PML: variants seen among roughly 807,000 people sequenced by gnomAD.
PML encodes PML nuclear body scaffold, also known as protein PML.
PML carries 28 observed loss-of-function variants against 65.2 expected under a neutral mutation model. The observed-to-expected ratio is 0.43, with a 90% CI of 0.32 to 0.59. PML has a LOEUF of 0.59. PML is among the 20% of genes least tolerant of loss of function. PML has a pLI of 0.08. For synonymous variants in PML, 500 were observed against 508.8 expected (o/e 0.98, Z 0.23); for missense variants, 1,021 against 1,203.4 (o/e 0.85, Z 2.24).
intron 4 of PML, among the ~76,000 whole-genome samples, chr15:74,029,056 AT>A (rs570189767): frequency 2.0e-4 from 30 of 149,572 alleles, no homozygotes; most frequent in East Asian, 9.8e-4. Flanking sequence ...TCTATTTTTA[AT>A]TTTTTTTTTG....
chr15:74,022,204 G>A (rs1297579787), intron 2 of PML, among the ~76,000 whole-genome samples: 2 of 152,160 alleles, frequency 1.3e-5, no homozygotes, highest in Non-Finnish European at 2.9e-5. Flanking sequence ...TGATCCTCCC[G>A]CCCCGGCCTC....
In PML at chr15:73,994,959, GA is replaced by G; in HGVS notation, c.129+19del. 6.6e-7 allele frequency: 1 copy of G among 1,525,676 alleles called. No individual in the cohort carries two copies. Among genetic ancestry groups the G allele is most frequent in the Non-Finnish European group, 8.8e-7 (1 of 1,133,518 alleles). The allele number at this position is 1,525,676 out of a possible 1,614,324, so 94.5% of individuals were successfully genotyped here. A position where few individuals can be genotyped will look rare whatever the true frequency, so the allele number is the denominator to read the frequency against. On this transcript the variant is annotated intron_variant, in intron 1 of 8. Coordinates refer to ENST00000268058, the MANE Select transcript of PML (RefSeq NM_033238.3). ...CTACAGAGGTACTATTGGGTTAGGG[GA>G]TGATGGGGTTAAGCTTTGTTGGTTT...
intron 4 of PML, 100 bp from the exon 5 acceptor site, chr15:74,032,472 C>T (rs1261368055): frequency 1.5e-6 from 2 of 1,314,664 alleles, no homozygotes; most frequent in African/African-American, 1.4e-5. Context: ...GGACCTGTGA[C>T]TTGGTGAGGC....
In PML at chr15:74,045,830, T is replaced by G. The variant is rs1011684859; in HGVS notation, c.*822T>G. 1.7e-5 allele frequency: 4 copies of G among 232,136 alleles called. No homozygotes were observed. The highest frequency in any genetic ancestry group is 3.4e-5 in the Non-Finnish European group (4 of 117,476). 14.4% of individuals were successfully genotyped at this position (232,136 alleles called of 1,614,324 possible). On this transcript the variant is annotated 3_prime_UTR_variant, in exon 9 of 9. Transcript: ENST00000268058. ...CAGGACCTGCGGCATCAGCATCCCC[T>G]GGGAGCTTCTTAGAAATGCAGACCT...
Position 74,035,899 on chromosome 15 carries a change from C to T in PML, c.1710+1369C>T, listed in dbSNP as rs551193666. ...ATTACATTCCCACCACCCTGTGCCC[C>T]AGAAAGGCCCCCCATCAGCCCAGTC... On this transcript the variant is annotated intron_variant, in intron 7 of 8. Coordinates refer to ENST00000268058, the MANE Select transcript of PML (RefSeq NM_033238.3). This position sits in a 1 kb window ranked among gnomAD's most constrained non-coding sequence, Gnocchi z 4.1. 2.0e-5 allele frequency: 32 copies of T among 1,613,792 alleles called. No homozygotes were observed. The East Asian group carries it at 6.9e-4, about 35-fold the overall frequency.
chr15:73,999,285 C>A (rs1345470191), intron 2 of PML, among the ~76,000 whole-genome samples: 1 of 152,210 alleles, frequency 6.6e-6, no homozygotes, highest in Non-Finnish European at 1.5e-5. Context: ...GAACTTTTCA[C>A]CATTAGCAAT....
In PML at chr15:74,044,379, T is replaced by A; in HGVS notation, c.2020T>A (p.Leu674Met). The A allele has an allele frequency of 6.2e-7, 1 of 1,614,218 alleles. No individual in the cohort carries two copies. Among genetic ancestry groups the A allele is most frequent in the South Asian group, 1.1e-5 (1 of 91,090 alleles). The stretch of plus-strand genomic sequence containing the variant: ...TCTGAGCTCCATGCGCCGCCCTATC[T>A]TGGCCTGCTACAAGCTGTGGGGGCC... ...SFLSSMRRPI[L>M]ACYKLWGPGL... is the part of the protein sequence containing the mutation. Residue 674 changes from leucine to methionine, a missense_variant, in exon 9 of 9, where the codon TTG becomes ATG. By Grantham distance (15) the Leu-to-Met change is conservative. Coordinates refer to ENST00000268058, the MANE Select transcript of PML (RefSeq NM_033238.3).
In PML at chr15:74,023,199, G is replaced by A; in HGVS notation, c.974G>A (p.Arg325His). 1 of 1,608,152 alleles carries A rather than the reference G, an allele frequency of 6.2e-7. No individual in the cohort carries two copies. The highest frequency in any genetic ancestry group is 8.5e-7 in the Non-Finnish European group (1 of 1,177,824). Residue 325 changes from arginine (R) to histidine (H), a missense_variant, in exon 3 of 9, where the codon CGC becomes CAC. Coordinates refer to ENST00000268058, the MANE Select transcript of PML (RefSeq NM_033238.3). ...GGCCGCCTGGATGCTGTGCTGCAGC[G>A]CATCCGCACGGGCAGCGCGCTGGTG... is the stretch of plus-strand genomic sequence containing the variant. ...RLGRLDAVLQRIRTGSALVQR... is the reference protein window; with the variant it reads ...RLGRLDAVLQHIRTGSALVQR...
intron 7 of PML, chr15:74,036,431 C>T (rs2071563442): frequency 9.3e-6 from 12 of 1,284,990 alleles, no homozygotes; most frequent in Non-Finnish European, 1.2e-5. Flanking sequence ...ATCGCGTTCT[C>T]CGATGGATCC....
intron 2 of PML, among the ~76,000 whole-genome samples, chr15:74,001,854 G>A (rs901765117): frequency 6.6e-6 from 1 of 151,968 alleles, no homozygotes; most frequent in Non-Finnish European, 1.5e-5. Flanking sequence ...AAAAAAATTA[G>A]CCAGGCATGG....
chr15:74,004,625 C>G (rs1012499772), intron 2 of PML, among the ~76,000 whole-genome samples: 2 of 152,014 alleles, frequency 1.3e-5, no homozygotes, highest in African/African-American at 4.8e-5. Flanking sequence ...ATAATTTTTT[C>G]TTTTTTCAAT....
chr15:74,001,033 C>T (rs1017729458), intron 2 of PML, among the ~76,000 whole-genome samples: 1 of 152,106 alleles, frequency 6.6e-6, no homozygotes, highest in Non-Finnish European at 1.5e-5. Context: ...TCTGTTTTGG[C>T]TCTTGTGTCA....
chr15:74,034,514 C>T lies in PML; in HGVS notation c.1694C>T (p.Ser565Leu). ...GTGGTGATCAGCAGCTCGGAAGACT[C>T]AGATGCCGAAAACTCGGTGAGTGGC... is the stretch of plus-strand genomic sequence containing the variant. ...RVVVISSSED[S>L]DAENSSSREL... The change falls in exon 7 of 9, where the codon TCA becomes TTA. Residue 565 changes from serine to leucine, a missense_variant. Transcript: ENST00000268058. 1 of 1,614,172 alleles carries T rather than the reference C, an allele frequency of 6.2e-7. No individual in the cohort carries two copies. The highest frequency in any genetic ancestry group is 8.5e-7 in the Non-Finnish European group (1 of 1,180,010).
At chr15:74,016,021 G>A (rs2070557019) in intron 2 of PML, among the ~76,000 whole-genome samples, 1 of 152,188 alleles carries the variant, frequency 6.6e-6, no homozygotes, top group Admixed American at 6.5e-5. Flanking sequence ...GCTCATGCCT[G>A]TAATCCCAGC....
At chr15:74,007,417 T>C (rs2070115091) in intron 2 of PML, among the ~76,000 whole-genome samples, 1 of 152,230 alleles carries the variant, frequency 6.6e-6, no homozygotes, top group Non-Finnish European at 1.5e-5. Context: ...GCACGGTGCA[T>C]GGCCTTAACA....
rs764300823 is a variant in PML, at chr15:74,044,425, G to A, written c.2066G>A (p.Arg689Gln). Residue 689 changes from arginine (R) to glutamine (Q), a missense_variant, in exon 9 of 9, where the codon CGG becomes CAG. Physicochemically the swap from Arg to Gln is conservative, Grantham distance 43. Transcript: ENST00000268058. The stretch of plus-strand genomic sequence containing the variant: ...GGGCCTGGCCTCCCAAACTTCTTCC[G>A]GGCCCTGGAGGACATTAACAGGCTG... Reference protein sequence around the residue: ...LWGPGLPNFFRALEDINRLWE... With the variant: ...LWGPGLPNFFQALEDINRLWE... The A allele has an allele frequency of 9.9e-6, 16 of 1,614,138 alleles. No individual in the cohort carries two copies. The highest frequency in any genetic ancestry group is 2.2e-5 in the South Asian group (2 of 91,072).
In PML at chr15:73,998,368, C is replaced by G. The variant is rs759402979; in HGVS notation, c.494C>G (p.Pro165Arg). ...HQWFLKHEAR[P>R]LAELRNQSVR... ...TGGTTCCTCAAGCACGAGGCCCGGCCCCTAGCAGAGCTGCGCAACCAGTCG... is the reference window on the plus strand; with the variant it reads ...TGGTTCCTCAAGCACGAGGCCCGGCGCCTAGCAGAGCTGCGCAACCAGTCG... The change falls in exon 2 of 9, where the codon CCC becomes CGC. Residue 165 changes from proline to arginine, a missense_variant. By Grantham distance (103) the Pro-to-Arg change is moderately radical (BLOSUM62 -2). Coordinates refer to ENST00000268058, the MANE Select transcript of PML (RefSeq NM_033238.3). 6.2e-6 allele frequency: 10 copies of G among 1,614,154 alleles called. No individual in the cohort carries two copies. Among genetic ancestry groups the G allele is most frequent in the Non-Finnish European group, 8.5e-6 (10 of 1,180,010 alleles).
In PML at chr15:74,035,690, C is replaced by T. The variant is rs2071524993; in HGVS notation, c.1710+1160C>T. The T allele has an allele frequency of 1.2e-6, 2 of 1,614,152 alleles. No homozygotes were observed. Among genetic ancestry groups the T allele is most frequent in the Non-Finnish European group, 1.7e-6 (2 of 1,180,020 alleles). ...CCCTCCGGGGCTCCTCCCATTTATC[C>T]CAGTGGCTCAACAACTTTTTTGCCC... On this transcript the variant is annotated intron_variant, in intron 7 of 8. Coordinates refer to ENST00000268058, the MANE Select transcript of PML (RefSeq NM_033238.3). The surrounding 1 kb of genome is among the most constrained non-coding windows in gnomAD (Gnocchi z 4.1).
At chr15:74,040,690 G>T (rs1567140422) in intron 7 of PML, among the ~76,000 whole-genome samples, 1 of 152,238 alleles carries the variant, frequency 6.6e-6, no homozygotes, top group African/African-American at 2.4e-5. Flanking sequence ...GTTCCAGTGA[G>T]ACCAGCTCCA....
Sources: allele counts gnomAD v4.1 joint callset (sites outside exome capture counted in the v4.1 genomes callset), GRCh38; gene constraint gnomAD v4.1.1; non-coding constraint Gnocchi (gnomAD v3.1); transcripts MANE v1.5; gene names NCBI Gene and HGNC (gene_info 2026-07-23, HGNC 2026-07-21).